The following MINDY3 variants were observed in gnomAD, a reference collection of about 807,000 sequenced individuals.
The protein encoded by MINDY3 is MINDY lysine 48 deubiquitinase 3.
Under a neutral mutation model 69.2 loss-of-function variants are expected in MINDY3, and 38 were observed. That is an observed-to-expected ratio of 0.55 (90% CI 0.42 to 0.72). The LOEUF (loss-of-function observed/expected upper bound fraction) is 0.72. MINDY3 is among the 30% of genes least tolerant of loss of function. The pLI, the probability that MINDY3 is intolerant of heterozygous loss-of-function variation, is 0.00. For missense variants in MINDY3, 522 were observed against 519.0 expected, an observed-to-expected ratio of 1.01 and a Z score of -0.06; for synonymous variants, 192 against 180.1, an observed-to-expected ratio of 1.07 and a Z score of -0.53.
chr10:15,807,453 AACAC>A (rs1051748111), intron 10 of MINDY3, among the ~76,000 whole-genome samples: 2 of 152,184 alleles, frequency 1.3e-5, no homozygotes, highest in African/African-American at 4.8e-5. Context: ...AGCATGTGCA[AACAC>A]ACACAATAAT....
At chr10:15,827,036 C>G (rs1336791524) in intron 8 of MINDY3, among the ~76,000 whole-genome samples, 1 of 151,810 alleles carries the variant, frequency 6.6e-6, no homozygotes, top group African/African-American at 2.4e-5. Flanking sequence ...AAGAGGACCA[C>G]TGGAGCCCAT....
Position 15,860,368 on chromosome 10 carries a change from C to A in MINDY3, c.-69G>T. On this transcript the variant is annotated 5_prime_UTR_variant, in exon 1 of 15. Coordinates refer to ENST00000277632, the MANE Select transcript of MINDY3 (RefSeq NM_024948.4). ...CCCGGAACATGGGGAAGGGGCAACT[C>A]CGGAAACAGCAGCTGCGGGACGGCG... 8.8e-7 allele frequency: 1 copy of A among 1,135,936 alleles called. No individual in the cohort carries two copies. The highest frequency in any genetic ancestry group is 1.3e-5 in the South Asian group (1 of 75,614). The allele number at this position is 1,135,936 out of a possible 1,614,324, so 70.4% of individuals were successfully genotyped here.
At chr10:15,794,894 G>A (rs1245998278) in intron 11 of MINDY3, among the ~76,000 whole-genome samples, 1 of 151,956 alleles carries the variant, frequency 6.6e-6, no homozygotes, top group Non-Finnish European at 1.5e-5. Flanking sequence ...GGGCTCCTAT[G>A]TCTGCTCTGA....
chr10:15,825,142 T>C (rs1840006609), intron 8 of MINDY3, among the ~76,000 whole-genome samples: 3 of 152,138 alleles, frequency 2.0e-5, no homozygotes. Context: ...TGTTCCAAGA[T>C]CTGAAGCATT....
At chr10:15,851,551 G>T (rs563440404) in intron 1 of MINDY3, among the ~76,000 whole-genome samples, 10 of 151,924 alleles carry the variant, frequency 6.6e-5, no homozygotes, top group African/African-American at 2.4e-4. Flanking sequence ...TTACCTATAG[G>T]TTTCACCCTA....
At chr10:15,847,736 T>A in intron 2 of MINDY3, 128 bp downstream of exon 2, 1 of 559,294 alleles carries the variant, frequency 1.8e-6, no homozygotes, top group Non-Finnish European at 3.2e-6. Flanking sequence ...GTAATTTACA[T>A]GAGCAAAAGT....
At chr10:15,846,560 G>C (rs530850519) in intron 2 of MINDY3, among the ~76,000 whole-genome samples, 1 of 151,752 alleles carries the variant, frequency 6.6e-6, no homozygotes, top group East Asian at 1.9e-4. Flanking sequence ...GCAAAAAAAA[G>C]TCAACTTAAA....
At position 15,799,930 on chromosome 10, in the gene MINDY3, C is replaced by T. The variant is rs1279728924; in HGVS notation, c.883-3758G>A. Among the ~76,000 whole-genome samples the T allele has an allele frequency of 3.3e-5, 5 of 152,170 alleles. No homozygotes were observed. The East Asian group carries it at 7.7e-4, about 24-fold the overall frequency. On this transcript the variant is annotated intron_variant, in intron 10 of 14. Transcript: ENST00000277632. ...GAATATTAGTGTTAGACTGAGGTTA[C>T]GGCTGGGGAACTTGCAAGGGAAAAT...
chr10:15,834,696 C>G, intron 6 of MINDY3, 80 bp from the exon 7 acceptor site: 1 of 858,066 alleles, frequency 1.2e-6, no homozygotes, highest in Non-Finnish European at 1.9e-6. Flanking sequence ...CTAGTTTACA[C>G]TATAAACTAA....
chr10:15,835,104 T>C (rs973236556), intron 6 of MINDY3, among the ~76,000 whole-genome samples: 1 of 152,064 alleles, frequency 6.6e-6, no homozygotes, highest in African/African-American at 2.4e-5. Flanking sequence ...TACTTCTGAT[T>C]GTACTTTCTC....
At chr10:15,819,521 G>A (rs919878060) in intron 9 of MINDY3, among the ~76,000 whole-genome samples, 1 of 152,024 alleles carries the variant, frequency 6.6e-6, no homozygotes, top group African/African-American at 2.4e-5. Context: ...AGACTACTAG[G>A]GATAACCCAA....
intron 1 of MINDY3, among the ~76,000 whole-genome samples, chr10:15,854,362 T>A (rs544047748): frequency 6.6e-6 from 1 of 152,250 alleles, no homozygotes; most frequent in South Asian, 2.1e-4. Flanking sequence ...TGCCACAGAC[T>A]GGAGAAGCCA....
At chr10:15,844,244 A>G (rs1025283728) in intron 2 of MINDY3, among the ~76,000 whole-genome samples, 1 of 152,198 alleles carries the variant, frequency 6.6e-6, no homozygotes, top group South Asian at 2.1e-4. Flanking sequence ...ACATAGGCAT[A>G]AAGTCTACAA....
At chr10:15,785,721 T>TG (rs1836905152) in intron 13 of MINDY3, among the ~76,000 whole-genome samples, 1 of 152,174 alleles carries the variant, frequency 6.6e-6, no homozygotes, top group African/African-American at 2.4e-5. Context: ...TCTTAACAAT[T>TG]TTATCTTGAG....
chr10:15,780,539 T>G (rs1836445517), intron 14 of MINDY3, among the ~76,000 whole-genome samples: 1 of 152,226 alleles, frequency 6.6e-6, no homozygotes, highest in Non-Finnish European at 1.5e-5. Flanking sequence ...CAAGGTGCCA[T>G]GACCCACCTC....
At chr10:15,824,909 T>C (rs1839989785) in intron 8 of MINDY3, among the ~76,000 whole-genome samples, 1 of 152,232 alleles carries the variant, frequency 6.6e-6, no homozygotes, top group African/African-American at 2.4e-5. Context: ...GTATTATGCC[T>C]GTTTTCTTAA....
chr10:15,837,542 T>G (rs984230040), intron 5 of MINDY3: 18 of 1,427,656 alleles, frequency 1.3e-5, no homozygotes, highest in Non-Finnish European at 1.7e-5. Context: ...GAACACCTAC[T>G]TGGCAGGGAA....
At chr10:15,801,196 T>G (rs1221021569) in intron 10 of MINDY3, among the ~76,000 whole-genome samples, 1 of 152,148 alleles carries the variant, frequency 6.6e-6, no homozygotes, top group East Asian at 1.9e-4. Context: ...GGAAATGCCA[T>G]AAAGGACATT....
At chr10:15,806,426 A>C (rs1171186768) in intron 10 of MINDY3, among the ~76,000 whole-genome samples, 2 of 152,146 alleles carry the variant, frequency 1.3e-5, no homozygotes, top group African/African-American at 4.8e-5. Flanking sequence ...GTATGAACAA[A>C]AAGTGAGGGC....
Sources: gnomAD v4.1 joint callset for allele counts (sites outside exome capture counted in the v4.1 genomes callset) on GRCh38, gnomAD v4.1.1 for gene constraint, MANE v1.5 for transcripts, NCBI Gene and HGNC (gene_info 2026-07-23, HGNC 2026-07-21) for gene names.